Variants in SRRM3 observed in about 807,000 individuals in gnomAD.
The protein encoded by SRRM3 is serine/arginine repetitive matrix protein 3.
A neutral mutation model predicts 66.2 loss-of-function variants in SRRM3; 27 were observed. The ratio of observed to expected loss-of-function variants is 0.41; its 90% CI spans 0.30 to 0.56. The LOEUF (loss-of-function observed/expected upper bound fraction) is 0.56, where lower values mean the gene tolerates loss of function less well. Ranked by LOEUF, SRRM3 falls within the 20% of genes least tolerant of loss-of-function variation. The pLI is 0.32. For synonymous variants in SRRM3, 391 were observed against 414.9 expected (o/e 0.94, Z 0.70); for missense variants, 918 against 991.9 (o/e 0.93, Z 1.00).
chr7:76,282,424 A>G (rs1418867020), intron 12 of SRRM3, among the ~76,000 whole-genome samples: 2 of 128,418 alleles, frequency 1.6e-5, no homozygotes, highest in African/African-American at 3.0e-5. Context: ...CCGCAGAACA[A>G]TCTCCTCCAC....
At chr7:76,220,092 C>T (rs1000103910) in intron 1 of SRRM3, among the ~76,000 whole-genome samples, 3 of 152,182 alleles carry the variant, frequency 2.0e-5, no homozygotes, top group Non-Finnish European at 4.4e-5. Context: ...TAGTGAGCTC[C>T]CATCGGTGCA....
At position 76,285,856 on chromosome 7, in the gene SRRM3, T is replaced by A; in HGVS notation, c.*13T>A. On this transcript the variant is annotated 3_prime_UTR_variant, in exon 15 of 15. Transcript: ENST00000611745. The surrounding 1 kb of genome is among the most constrained non-coding windows in gnomAD (Gnocchi z 4.1). The stretch of plus-strand genomic sequence containing the variant: ...CGGGGGCTTCTGAGCCCAGACAGAC[T>A]CAGCTTGGTGCCCCCCTGGCACTGG... 1 of 1,541,366 alleles carries A rather than the reference T, an allele frequency of 6.5e-7. No homozygotes were observed. The highest frequency in any genetic ancestry group is 8.8e-7 in the Non-Finnish European group (1 of 1,140,454).
At chr7:76,214,079 T>C (rs1197164949) in intron 1 of SRRM3, among the ~76,000 whole-genome samples, 2 of 152,004 alleles carry the variant, frequency 1.3e-5, no homozygotes, top group African/African-American at 4.8e-5. Flanking sequence ...CGCCCAACCC[T>C]CTCTGGGATT....
At chr7:76,224,396 A>C (rs1724255157) in intron 1 of SRRM3, among the ~76,000 whole-genome samples, 1 of 150,274 alleles carries the variant, frequency 6.7e-6, no homozygotes, top group African/African-American at 2.4e-5. Flanking sequence ...ACATCTTTCA[A>C]AGGCACATGT....
chr7:76,281,276 CCTCT>C (rs1158182297), intron 11 of SRRM3, among the ~76,000 whole-genome samples, 161 bp from the exon 12 acceptor site: 26 of 151,228 alleles, frequency 1.7e-4, no homozygotes, highest in Non-Finnish European at 3.4e-4. Flanking sequence ...CTCTCTCTCT[CCTCT>C]CTTTCTGTCT....
chr7:76,237,556 C>T (rs746179549), intron 2 of SRRM3, among the ~76,000 whole-genome samples: 3 of 152,186 alleles, frequency 2.0e-5, no homozygotes, highest in Non-Finnish European at 4.4e-5. Flanking sequence ...GCCTGAGCAA[C>T]GGAGGGAGAC....
chr7:76,270,575 G>A (rs535072049), intron 11 of SRRM3, among the ~76,000 whole-genome samples: 1 of 152,210 alleles, frequency 6.6e-6, no homozygotes, highest in South Asian at 2.1e-4. Flanking sequence ...ACTTCGGGAG[G>A]CTGAGGTGGG....
intron 14 of SRRM3, among the ~76,000 whole-genome samples, chr7:76,284,968 CAG>C (rs1390730439): frequency 7.9e-5 from 12 of 152,146 alleles, no homozygotes; most frequent in Non-Finnish European, 1.8e-4. Context: ...GCAGAGGGGA[CAG>C]GGGAACAGAG....
chr7:76,283,219 G>T (rs1583948116), intron 14 of SRRM3, 118 bp downstream of exon 14: 90 of 101,338 alleles, frequency 8.9e-4, no homozygotes, highest in Non-Finnish European at 1.1e-3. Flanking sequence ...GCACGGGGAT[G>T]GGGGGGGGTG....
chr7:76,272,748 T>C (rs562625499), intron 11 of SRRM3, among the ~76,000 whole-genome samples: 1 of 152,336 alleles, frequency 6.6e-6, no homozygotes, highest in East Asian at 1.9e-4. Context: ...CTCAGGATCA[T>C]GGCCTTGGGG....
rs536013354 is a variant in SRRM3 at position 76,232,417 on chromosome 7, C to A, written c.-39-2611C>A. 8.5e-5 allele frequency among the ~76,000 whole-genome samples: 13 copies of A among 152,130 alleles called. 1 individual carries two copies. The South Asian group carries it at 2.3e-3, about 27-fold the overall frequency. ...TGAAACCCCATTTCTACTAAAAATA[C>A]AAAAATTAGCCGGGCAAGGTGGCAG... On this transcript the variant is annotated intron_variant, in intron 1 of 14. Coordinates refer to ENST00000611745, the MANE Select transcript of SRRM3 (RefSeq NM_001110199.3).
rs1801423730 is a variant in SRRM3, at chr7:76,245,695, T to G, written c.234-2493T>G. ...TGTTGGTTTTTTGTTTGTTTGTTTG[T>G]TTTGTTTTGTTGTTTTTTGAGACGG... On this transcript the variant is annotated intron_variant, in intron 2 of 14. Coordinates refer to ENST00000611745, the MANE Select transcript of SRRM3 (RefSeq NM_001110199.3). Among the ~76,000 whole-genome samples the G allele has an allele frequency of 2.0e-5, 3 of 152,232 alleles. No individual in the cohort carries two copies. The South Asian group carries it at 6.2e-4, about 32-fold the overall frequency.
rs1800154988 is a variant in SRRM3 at position 76,201,930 on chromosome 7, G to C, written c.-177G>C. 6.6e-6 allele frequency: 1 copy of C among 152,654 alleles called. No individual in the cohort carries two copies. Among genetic ancestry groups the C allele is most frequent in the Middle Eastern group, 3.1e-3 (1 of 318 alleles). The allele number at this position is 152,654 out of a possible 1,614,324, so 9.5% of individuals were successfully genotyped here. A position where few individuals can be genotyped will look rare whatever the true frequency, so the allele number is the denominator to read the frequency against. ...TTCAGCAAGCGGCGGCAGCACCCGC[G>C]GGGAGGCAGAGGGTGCGGGGCCGTG... is the stretch of plus-strand genomic sequence containing the variant. On this transcript the variant is annotated 5_prime_UTR_variant, in exon 1 of 15. Coordinates refer to ENST00000611745, the MANE Select transcript of SRRM3 (RefSeq NM_001110199.3).
At chr7:76,202,309 G>A (rs909165568) in intron 1 of SRRM3, among the ~76,000 whole-genome samples, 4 of 152,308 alleles carry the variant, frequency 2.6e-5, no homozygotes, top group Admixed American at 2.6e-4. Flanking sequence ...ACTCCCCTGG[G>A]CATAAATGAC....
chr7:76,235,017 C>A lies in SRRM3; in HGVS notation c.-39-11C>A. The A allele has an allele frequency of 6.8e-7, 1 of 1,465,742 alleles. No homozygotes were observed. The highest frequency in any genetic ancestry group is 9.1e-7 in the Non-Finnish European group (1 of 1,098,518). 90.8% of individuals were successfully genotyped at this position (1,465,742 alleles called of 1,614,324 possible). A position where few individuals can be genotyped will look rare whatever the true frequency, so the allele number is the denominator to read the frequency against. On this transcript the variant is annotated splice_polypyrimidine_tract_variant and intron_variant, in intron 1 of 14. Coordinates refer to ENST00000611745, the MANE Select transcript of SRRM3 (RefSeq NM_001110199.3). The stretch of plus-strand genomic sequence containing the variant: ...TGACCATCCCGCCTCGTGTCTGTGT[C>A]TGTCCCTCAGGGCCAGCGGCCCAGG...
intron 3 of SRRM3, among the ~76,000 whole-genome samples, chr7:76,251,521 C>T (rs1322986031): frequency 6.6e-6 from 1 of 152,164 alleles, no homozygotes; most frequent in African/African-American, 2.4e-5. Flanking sequence ...ACTACAGGCG[C>T]ACGCTGCCAC....
intron 1 of SRRM3, among the ~76,000 whole-genome samples, chr7:76,218,334 C>A (rs1423324460): frequency 6.6e-6 from 1 of 152,214 alleles, no homozygotes; most frequent in African/African-American, 2.4e-5. Flanking sequence ...CAGAGACCGC[C>A]ACCTGCCATC....
At chr7:76,220,884 C>T (rs1554603102) in intron 1 of SRRM3, among the ~76,000 whole-genome samples, 1 of 152,096 alleles carries the variant, frequency 6.6e-6, no homozygotes, top group African/African-American at 2.4e-5. Context: ...AGGCTTTCAG[C>T]AGTTCCCCTC....
Position 76,260,003 on chromosome 7 carries a change from G to T in SRRM3, c.433G>T (p.Ala145Ser). 6.3e-7 allele frequency: 1 copy of T among 1,587,246 alleles called. No homozygotes were observed. Reference sequence around the variant, plus strand: ...CGGCCCAGTGGACTGTGACTGCCCGGCCTCCTGCTACCGCGGCCACCGCGG... The same window carrying T: ...CGGCCCAGTGGACTGTGACTGCCCGTCCTCCTGCTACCGCGGCCACCGCGG... ...DDGPVDCDCP[A>S]SCYRGHRGYR... is the part of the protein sequence containing the mutation. The change falls in exon 4 of 15, where the codon GCC becomes TCC. Residue 145 changes from alanine to serine, a missense_variant. Coordinates refer to ENST00000611745, the MANE Select transcript of SRRM3 (RefSeq NM_001110199.3).
Sources: gnomAD v4.1 joint callset for allele counts (sites outside exome capture counted in the v4.1 genomes callset) on GRCh38, gnomAD v4.1.1 for gene constraint, Gnocchi (gnomAD v3.1) non-coding constraint, MANE v1.5 for transcripts, NCBI Gene and HGNC (gene_info 2026-07-23, HGNC 2026-07-21) for gene names.